Variants in RREB1 observed in about 807,000 individuals in gnomAD.
RREB1 encodes ras-responsive element-binding protein 1.
A neutral mutation model predicts 117.8 loss-of-function variants in RREB1; 27 were observed. The observed-to-expected ratio is 0.23, with a 90% CI of 0.17 to 0.32. RREB1 has a LOEUF of 0.32. Ranked by LOEUF, RREB1 falls within the 10% of genes least tolerant of loss-of-function variation. The pLI is 1.00. For missense variants in RREB1, 2,577 were observed against 2,378.2 expected (o/e 1.08, Z -1.74); for synonymous variants, 1,298 against 1,026.7 (o/e 1.26, Z -5.05).
rs1171600672 is a variant in RREB1 at position 7,246,588 on chromosome 6, G to A, written c.4138G>A (p.Glu1380Lys). 4 of 1,554,648 alleles carry A rather than the reference G, an allele frequency of 2.6e-6. No individual in the cohort carries two copies. The highest frequency in any genetic ancestry group is 1.9e-5 in the Admixed American group (1 of 51,542). The change falls in exon 12 of 13, where the codon GAA becomes AAA. Residue 1380 changes from glutamate to lysine, a missense_variant. Coordinates refer to ENST00000379938, the MANE Select transcript of RREB1 (RefSeq NM_001003699.4). ...TAETASPVHR[E>K]EHGRGESHEP... ...GGAAACGGCCTCGCCGGTGCACCGG[G>A]AAGAGCACGGGCGTGGGGAGAGCCA... is the stretch of plus-strand genomic sequence containing the variant.
At chr6:7,127,552 G>GA (rs1255122699) in intron 1 of RREB1, among the ~76,000 whole-genome samples, 2 of 152,186 alleles carry the variant, frequency 1.3e-5, no homozygotes, top group Non-Finnish European at 2.9e-5. Flanking sequence ...GAATTCTTTA[G>GA]AGGAGAGGGA....
chr6:7,187,279 G>A (rs895849403), intron 4 of RREB1, among the ~76,000 whole-genome samples, 155 bp from the exon 5 acceptor site: 5 of 152,224 alleles, frequency 3.3e-5, no homozygotes, highest in Non-Finnish European at 7.3e-5. Context: ...GAGGCAGACA[G>A]GGCCGTGACT....
chr6:7,146,749 C>T (rs1392590175), intron 1 of RREB1, among the ~76,000 whole-genome samples: 1 of 148,080 alleles, frequency 6.8e-6, no homozygotes, highest in Non-Finnish European at 1.5e-5. Flanking sequence ...TCTGGTGTGT[C>T]GTGGCTTTCT....
chr6:7,210,938 C>T lies in RREB1; in HGVS notation c.560C>T (p.Pro187Leu), dbSNP rs937213720. The change falls in exon 7 of 13, where the codon CCA becomes CTA. Residue 187 changes from proline (P) to leucine (L), a missense_variant. By Grantham distance (98) the Pro-to-Leu change is moderately conservative. Coordinates refer to ENST00000379938, the MANE Select transcript of RREB1 (RefSeq NM_001003699.4). Reference sequence around the variant, plus strand: ...GAGTCAGAGAGAGAAGACCCAGCACCAGCTAAAAAGGTCCTCTTGGCTCCC... The same window carrying T: ...GAGTCAGAGAGAGAAGACCCAGCACTAGCTAAAAAGGTCCTCTTGGCTCCC... ...DAESEREDPA[P>L]AKKMVEDGQS... 1.7e-5 allele frequency: 27 copies of T among 1,613,398 alleles called. No homozygotes were observed. Among genetic ancestry groups the T allele is most frequent in the Non-Finnish European group, 2.2e-5 (26 of 1,179,800 alleles).
rs3028658 is a variant in RREB1, at chr6:7,187,540, C to CTTTTATTTTATTTTA, written c.261+53_261+67dup. 7.2e-4 allele frequency: 610 copies of CTTTTATTTTATTTTA among 847,846 alleles called. 9 individuals carry two copies. Among genetic ancestry groups the CTTTTATTTTATTTTA allele is most frequent in the East Asian group, 4.9e-3 (147 of 30,224 alleles). The allele number at this position is 847,846 out of a possible 1,614,324, so 52.5% of individuals were successfully genotyped here. The stretch of plus-strand genomic sequence containing the variant: ...ATTCGCCAGGTAGATTCCCACTGTT[C>CTTTTATTTTATTTTA]TTTTATTTTATTTTATTTTATTTTA... On this transcript the variant is annotated intron_variant, in intron 5 of 12. Transcript: ENST00000379938.
rs182650061 is a variant in RREB1, at chr6:7,199,519, G to T, written c.425+10197G>T. 6.8e-4 allele frequency among the ~76,000 whole-genome samples: 102 copies of T among 150,634 alleles called. 2 individuals carry two copies. In the South Asian group the frequency reaches 0.014, roughly 21 times the overall value. On this transcript the variant is annotated intron_variant, in intron 6 of 12. Coordinates refer to ENST00000379938, the MANE Select transcript of RREB1 (RefSeq NM_001003699.4). Reference sequence around the variant, plus strand: ...ACCTGGTAACAGTGCTGTGTATCATGTGCTGAATTTCCATGGCCAAGTTGT... The same window carrying T: ...ACCTGGTAACAGTGCTGTGTATCATTTGCTGAATTTCCATGGCCAAGTTGT...
At chr6:7,225,116 C>G (rs1561791067) in intron 8 of RREB1, among the ~76,000 whole-genome samples, 1 of 152,216 alleles carries the variant, frequency 6.6e-6, no homozygotes, top group South Asian at 2.1e-4. Context: ...AGAAGACTCT[C>G]AACTCAAAAA....
intron 1 of RREB1, among the ~76,000 whole-genome samples, chr6:7,150,481 A>G (rs1763066938): frequency 6.6e-6 from 1 of 152,224 alleles, no homozygotes; most frequent in Admixed American, 6.5e-5. Flanking sequence ...AAATTAAACT[A>G]TAGTTGTGCA....
chr6:7,211,960 A>T (rs1766634442), intron 8 of RREB1: 1 of 491,728 alleles, frequency 2.0e-6, no homozygotes. Flanking sequence ...TTGAGTAGTC[A>T]CCAGTGAGCC....
chr6:7,208,382 C>T (rs969510140), intron 6 of RREB1, among the ~76,000 whole-genome samples: 2 of 152,202 alleles, frequency 1.3e-5, no homozygotes, highest in Non-Finnish European at 1.5e-5. Context: ...TCAAATCCAT[C>T]GTCAGACCTG....
chr6:7,119,308 C>T lies in RREB1; in HGVS notation c.-285+11248C>T, dbSNP rs139306963. On this transcript the variant is annotated intron_variant, in intron 1 of 12. Transcript: ENST00000379938. ...AGAGGTTGAATGAGCTGAGATCGTG[C>T]TACTGCGTTCCAGCTCGGGTGACAG... 2.8e-3 allele frequency among the ~76,000 whole-genome samples: 424 copies of T among 152,116 alleles called. 1 individual carries two copies. The highest frequency in any genetic ancestry group is 4.8e-3 in the Non-Finnish European group (324 of 67,996).
At chr6:7,200,232 GTATGTGTGTA>G (rs1174933253) in intron 6 of RREB1, among the ~76,000 whole-genome samples, 1 of 138,734 alleles carries the variant, frequency 7.2e-6, no homozygotes, top group Admixed American at 7.2e-5. Flanking sequence ...ATATATATAT[GTATGTGTGTA>G]TATGTGTGTG....
At chr6:7,244,262 CA>C (rs560699173) in intron 11 of RREB1, among the ~76,000 whole-genome samples, 3,164 of 108,196 alleles carry the variant, frequency 0.029, 31 homozygotes, top group Non-Finnish European at 0.032. Context: ...GACTCCATCT[CA>C]AAAAAAAAAA....
chr6:7,139,512 T>A (rs1762473996), intron 1 of RREB1, among the ~76,000 whole-genome samples: 1 of 152,236 alleles, frequency 6.6e-6, no homozygotes, highest in Non-Finnish European at 1.5e-5. Context: ...GAAAAATAGA[T>A]AACTGTTGAA....
chr6:7,194,195 C>T (rs1031668599), intron 6 of RREB1, among the ~76,000 whole-genome samples: 4 of 152,134 alleles, frequency 2.6e-5, no homozygotes, highest in African/African-American at 9.7e-5. Flanking sequence ...TGGTACTATT[C>T]TAAGATACAT....
At position 7,124,824 on chromosome 6, in the gene RREB1, C is replaced by T. The variant is rs867965513; in HGVS notation, c.-285+16764C>T. ...ATGATGTAGATGCAGTTGTTATCCC[C>T]ATGATTCAGATGAGGAAATTGAGAC... On this transcript the variant is annotated intron_variant, in intron 1 of 12. Transcript: ENST00000379938. Among the ~76,000 whole-genome samples the T allele has an allele frequency of 3.9e-5, 6 of 152,278 alleles. 1 individual carries two copies. The highest frequency in any genetic ancestry group is 6.8e-3 in the Middle Eastern group (2 of 294).
intron 1 of RREB1, among the ~76,000 whole-genome samples, chr6:7,132,685 A>G (rs1762201059): frequency 6.6e-6 from 1 of 152,208 alleles, no homozygotes; most frequent in African/African-American, 2.4e-5. Flanking sequence ...CTTCACACAC[A>G]GATCTTTTTT....
chr6:7,181,758 C>T (rs116035715), intron 3 of RREB1, 112 bp from the exon 4 acceptor site: 336 of 784,278 alleles, frequency 4.3e-4, no homozygotes, highest in African/African-American at 4.0e-3. Context: ...AGAAAGACAG[C>T]GTTGGATGTT....
At position 7,230,400 on chromosome 6, in the gene RREB1, C is replaced by T. The variant is rs769574476; in HGVS notation, c.2301C>T (p.Ala767=). The change falls in exon 10 of 13, where the codon GCC becomes GCT. Residue 767 remains alanine (A), a synonymous_variant. Transcript: ENST00000379938. Reference sequence around the variant, plus strand: ...GCGAGGACCTCAAGCACTATCGTGCCCTGCGCATCCACATGCGCACGCACT... The same window carrying T: ...GCGAGGACCTCAAGCACTATCGTGCTCTGCGCATCCACATGCGCACGCACT... The part of the protein sequence containing the change: ...LCGEDLKHYR[A]LRIHMRTHCG... The T allele has an allele frequency of 3.1e-6, 5 of 1,592,180 alleles. No individual in the cohort carries two copies. The highest frequency in any genetic ancestry group is 3.4e-6 in the Non-Finnish European group (4 of 1,174,504).
Sources: gnomAD v4.1 joint callset for allele counts (sites outside exome capture counted in the v4.1 genomes callset) on GRCh38, gnomAD v4.1.1 for gene constraint, MANE v1.5 for transcripts, NCBI Gene and HGNC (gene_info 2026-07-23, HGNC 2026-07-21) for gene names.